Variants in CTH observed in about 807,000 individuals in gnomAD.
CTH encodes the protein cystathionine gamma-lyase.
In CTH, 41 loss-of-function variants were observed where a neutral mutation model predicts 50.6. That is an observed-to-expected ratio of 0.81 (90% CI 0.63 to 1.05). The LOEUF (loss-of-function observed/expected upper bound fraction) is 1.05. Among genes scored for constraint, CTH ranks in the 50% least tolerant of loss-of-function variants. The pLI is 0.00. For missense variants in CTH, 470 were observed against 492.6 expected, an observed-to-expected ratio of 0.95 and a Z score of 0.43; for synonymous variants, 156 against 168.9, an observed-to-expected ratio of 0.92 and a Z score of 0.59.
intron 8 of CTH, among the ~76,000 whole-genome samples, chr1:70,433,563 G>C (rs1182530879): frequency 6.6e-6 from 1 of 152,178 alleles, no homozygotes; most frequent in African/African-American, 2.4e-5. Flanking sequence ...GGGAAGTCCA[G>C]GTTGAAGGGA....
At chr1:70,413,957 G>A (rs1468470546) in intron 1 of CTH, among the ~76,000 whole-genome samples, 1 of 150,480 alleles carries the variant, frequency 6.6e-6, no homozygotes, top group South Asian at 2.1e-4. Context: ...GGCCAGGCTG[G>A]TCTTGAAATC....
Position 70,411,321 on chromosome 1 carries a change from G to T in CTH, c.-95G>T. 2.3e-6 allele frequency: 3 copies of T among 1,303,738 alleles called. No homozygotes were observed. The highest frequency in any genetic ancestry group is 3.3e-6 in the Non-Finnish European group (3 of 897,512). 80.8% of individuals were successfully genotyped at this position (1,303,738 alleles called of 1,614,324 possible). On this transcript the variant is annotated 5_prime_UTR_variant, in exon 1 of 12. Coordinates refer to ENST00000370938, the MANE Select transcript of CTH (RefSeq NM_001902.6). The stretch of plus-strand genomic sequence containing the variant: ...TACCTGCGTGCTTTAGCTCCTTCTC[G>T]CCTGATCCTTCTGTCTCTCCCAACC...
chr1:70,434,243 G>A (rs945921614), intron 9 of CTH, among the ~76,000 whole-genome samples: 1 of 152,206 alleles, frequency 6.6e-6, no homozygotes, highest in Non-Finnish European at 1.5e-5. Context: ...GTAAAACCTC[G>A]AAGTAGTGTG....
chr1:70,432,686 T>C (rs1047533853), intron 8 of CTH, among the ~76,000 whole-genome samples: 22 of 145,592 alleles, frequency 1.5e-4, no homozygotes, highest in African/African-American at 3.0e-4. Context: ...CTCTCTCTTT[T>C]TTTTTTTTTT....
rs1572256496 is a variant in CTH at position 70,420,083 on chromosome 1, C to T, written c.347-1483C>T. 2.0e-5 allele frequency among the ~76,000 whole-genome samples: 3 copies of T among 150,924 alleles called. No individual in the cohort carries two copies. In the South Asian group the frequency reaches 6.3e-4, roughly 32 times the overall value. On this transcript the variant is annotated intron_variant, in intron 3 of 11. Coordinates refer to ENST00000370938, the MANE Select transcript of CTH (RefSeq NM_001902.6). ...TCTCGGCTCACTGCAACCTCCGCTT[C>T]CCGGGTTCAAGCGATTCTCCTGTCT... is the stretch of plus-strand genomic sequence containing the variant.
intron 3 of CTH, among the ~76,000 whole-genome samples, chr1:70,419,870 A>G (rs796075315): frequency 5.9e-5 from 9 of 152,344 alleles, no homozygotes; most frequent in African/African-American, 2.2e-4. Flanking sequence ...AGATGCTTCC[A>G]AATAATTAAA....
At chr1:70,435,059 T>C (rs1684568520) in intron 9 of CTH, 66 bp from the exon 10 acceptor site, 2 of 1,468,072 alleles carry the variant, frequency 1.4e-6, no homozygotes, top group East Asian at 2.6e-5. Flanking sequence ...CCTAAAAACA[T>C]TTATTTTTAG....
chr1:70,436,386 C>T (rs906081457), intron 10 of CTH, among the ~76,000 whole-genome samples: 7 of 151,938 alleles, frequency 4.6e-5, no homozygotes, highest in African/African-American at 7.3e-5. Flanking sequence ...ATTACCTGTC[C>T]CCCCAAGCAT....
intron 4 of CTH, among the ~76,000 whole-genome samples, chr1:70,423,576 A>AG: frequency 6.6e-6 from 1 of 151,768 alleles, no homozygotes; most frequent in African/African-American, 2.4e-5. Flanking sequence ...GCTGCTTAAA[A>AG]AAAAAAAAGA....
intron 8 of CTH, 137 bp downstream of exon 8, chr1:70,432,372 G>A: frequency 1.9e-6 from 2 of 1,047,490 alleles, no homozygotes; most frequent in African/African-American, 1.6e-5. Context: ...GCACTGCCAT[G>A]TGTCAGGCTC....
intron 5 of CTH, among the ~76,000 whole-genome samples, chr1:70,427,518 A>G (rs550726379): frequency 6.6e-6 from 1 of 152,170 alleles, no homozygotes; most frequent in Non-Finnish European, 1.5e-5. Flanking sequence ...AGTTTACAGA[A>G]TGTTAGCACT....
At chr1:70,423,683 G>T (rs567455269) in intron 4 of CTH, among the ~76,000 whole-genome samples, 2 of 152,234 alleles carry the variant, frequency 1.3e-5, no homozygotes, top group Admixed American at 6.5e-5. Context: ...TCTGAATTGT[G>T]GTAGGTTTTG....
intron 5 of CTH, among the ~76,000 whole-genome samples, chr1:70,426,991 T>A (rs1483716025): frequency 6.6e-6 from 1 of 152,176 alleles, no homozygotes; most frequent in Non-Finnish European, 1.5e-5. Context: ...GAAGCCCACA[T>A]CACATTCCGC....
intron 4 of CTH, among the ~76,000 whole-genome samples, chr1:70,422,723 T>C (rs1460169382): frequency 4.0e-5 from 6 of 150,898 alleles, no homozygotes; most frequent in Admixed American, 2.7e-4. Context: ...ATGATTCTCC[T>C]GCCTCAGCCT....
chr1:70,429,405 A>C (rs930671388), intron 5 of CTH, among the ~76,000 whole-genome samples: 7 of 152,200 alleles, frequency 4.6e-5, no homozygotes, highest in African/African-American at 1.7e-4. Flanking sequence ...TCTACATAAA[A>C]ATTGCTGAAT....
At chr1:70,430,658 C>T (rs971207696) in intron 7 of CTH, among the ~76,000 whole-genome samples, 24 of 151,688 alleles carry the variant, frequency 1.6e-4, no homozygotes, top group African/African-American at 5.8e-4. Context: ...TCTCCTGCCT[C>T]AGCCTCCTGA....
chr1:70,424,218 A>G (rs1426081646), intron 4 of CTH, 67 bp from the exon 5 acceptor site: 20 of 1,611,160 alleles, frequency 1.2e-5, no homozygotes, highest in Non-Finnish European at 1.7e-5. Context: ...AGATTGTTAC[A>G]ATATATGAGA....
At chr1:70,412,640 A>G (rs1208323955) in intron 1 of CTH, among the ~76,000 whole-genome samples, 2 of 152,102 alleles carry the variant, frequency 1.3e-5, no homozygotes, top group South Asian at 2.1e-4. Context: ...CTTATAGTCA[A>G]AGGCTAGGTT....
At chr1:70,412,503 G>A (rs1246427371) in intron 1 of CTH, among the ~76,000 whole-genome samples, 1 of 152,196 alleles carries the variant, frequency 6.6e-6, no homozygotes, top group Non-Finnish European at 1.5e-5. Context: ...GGGAAGCTGA[G>A]GCAGGAGAAT....
Sources: allele counts gnomAD v4.1 joint callset (sites outside exome capture counted in the v4.1 genomes callset), GRCh38; gene constraint gnomAD v4.1.1; transcripts MANE v1.5; gene names NCBI Gene and HGNC (gene_info 2026-07-23, HGNC 2026-07-21).